The following DNAH6 variants were observed in gnomAD, a reference collection of about 807,000 sequenced individuals.
DNAH6 encodes the protein dynein axonemal heavy chain 6.
A neutral mutation model predicts 491.4 loss-of-function variants in DNAH6; 340 were observed. The observed-to-expected ratio is 0.69, with a 90% CI of 0.63 to 0.76. The LOEUF (loss-of-function observed/expected upper bound fraction) is 0.76, where lower values mean the gene tolerates loss of function less well. Among genes scored for constraint, DNAH6 ranks in the 30% least tolerant of loss-of-function variants. The probability of loss-of-function intolerance (pLI) is 0.00; values close to 1 mark genes in which losing one functional copy is unlikely to be tolerated. For synonymous variants in DNAH6, 1,603 were observed against 1,686.1 expected (o/e 0.95, Z 1.21); for missense variants, 4,443 against 4,972.2 (o/e 0.89, Z 3.20).
At chr2:84,642,275 A>G (rs1327661613) in intron 33 of DNAH6, among the ~76,000 whole-genome samples, 1 of 152,198 alleles carries the variant, frequency 6.6e-6, no homozygotes, top group Non-Finnish European at 1.5e-5. Context: ...TTATCACCAG[A>G]CTATGTGCTG....
intron 41 of DNAH6, among the ~76,000 whole-genome samples, chr2:84,680,010 A>T (rs74319577): frequency 6.6e-6 from 1 of 152,248 alleles, no homozygotes; most frequent in Non-Finnish European, 1.5e-5. Flanking sequence ...ATACACATAC[A>T]AATGGACAGA....
chr2:84,642,019 G>T lies in DNAH6; in HGVS notation c.5043G>T (p.Leu1681Phe). The T allele has an allele frequency of 6.4e-7, 1 of 1,550,908 alleles. No individual in the cohort carries two copies. Among genetic ancestry groups the T allele is most frequent in the African/African-American group, 1.4e-5 (1 of 73,126 alleles). ...VLIRALQDSN[L>F]PKFLTDDALL... is the part of the protein sequence containing the mutation. ...TAAGAGCTTTACAAGACTCCAATTT[G>T]CCAAAATTTCTAACAGATGATGCTC... is the stretch of plus-strand genomic sequence containing the variant. The change falls in exon 33 of 77, where the codon TTG (leucine) becomes TTT (phenylalanine). Residue 1681 changes from leucine to phenylalanine, a missense_variant. Physicochemically the swap from Leu to Phe is conservative, Grantham distance 22 (BLOSUM62 0). Transcript: ENST00000389394.
intron 37 of DNAH6, among the ~76,000 whole-genome samples, chr2:84,661,562 A>G (rs1691509886): frequency 1.3e-5 from 2 of 152,188 alleles, no homozygotes. Flanking sequence ...GCAACAAAAT[A>G]CCAACTACTT....
rs557175379 is a variant in DNAH6 at position 84,628,129 on chromosome 2, C to T, written c.4515+3066C>T. Among the ~76,000 whole-genome samples the T allele has an allele frequency of 8.5e-5, 13 of 152,184 alleles. No homozygotes were observed. In the South Asian group the frequency reaches 1.7e-3, roughly 19 times the overall value. On this transcript the variant is annotated intron_variant, in intron 29 of 76. Transcript: ENST00000389394. The stretch of plus-strand genomic sequence containing the variant: ...GGGTTCAAGTGATCACCCCTAGATT[C>T]GTGAGCAATAGCCAGAAGAAGGGGG...
chr2:84,809,511 C>T (rs1437946571), intron 72 of DNAH6, among the ~76,000 whole-genome samples: 4 of 152,176 alleles, frequency 2.6e-5, no homozygotes, highest in African/African-American at 9.7e-5. Context: ...CTAAGTCTCT[C>T]TCCTCTCTCA....
At chr2:84,672,912 GT>G (rs1692871809) in intron 40 of DNAH6, among the ~76,000 whole-genome samples, 1 of 152,198 alleles carries the variant, frequency 6.6e-6, no homozygotes, top group African/African-American at 2.4e-5. Flanking sequence ...TGTGGCCTCA[GT>G]TTTTCCTCCA....
chr2:84,601,040 T>C (rs1240470219), intron 18 of DNAH6, among the ~76,000 whole-genome samples: 2 of 147,640 alleles, frequency 1.4e-5, no homozygotes, highest in Non-Finnish European at 3.0e-5. Flanking sequence ...ATTATTATAC[T>C]ATAATAATAA....
intron 48 of DNAH6, 96 bp from the exon 49 acceptor site, chr2:84,701,001 A>G (rs1038654868): frequency 1.5e-6 from 2 of 1,373,390 alleles, no homozygotes; most frequent in African/African-American, 2.9e-5. Flanking sequence ...GGGACTGGGC[A>G]GGGAGGAGTT....
intron 62 of DNAH6, among the ~76,000 whole-genome samples, chr2:84,743,396 G>A (rs988840914): frequency 6.6e-6 from 1 of 152,220 alleles, no homozygotes; most frequent in South Asian, 2.1e-4. Context: ...TATTCTAAAA[G>A]TGAGCTTTAG....
intron 5 of DNAH6, 41 bp from the exon 6 acceptor site, chr2:84,547,227 A>G: frequency 6.9e-7 from 1 of 1,443,458 alleles, no homozygotes; most frequent in Non-Finnish European, 9.3e-7. Context: ...TTTAAAATAC[A>G]GAATATTTTT....
At chr2:84,721,093 A>G (rs1022803098) in intron 59 of DNAH6, among the ~76,000 whole-genome samples, 2 of 152,238 alleles carry the variant, frequency 1.3e-5, no homozygotes, top group Non-Finnish European at 2.9e-5. Context: ...GCCAAACTCA[A>G]CGGAAGCATA....
intron 64 of DNAH6, among the ~76,000 whole-genome samples, chr2:84,766,422 A>T (rs1675080969): frequency 6.6e-6 from 1 of 152,206 alleles, no homozygotes; most frequent in African/African-American, 2.4e-5. Flanking sequence ...ACTTCTGCAC[A>T]TCCATGTGTT....
chr2:84,517,194 T>A (rs2104394038), intron 1 of DNAH6, among the ~76,000 whole-genome samples: 1 of 152,284 alleles, frequency 6.6e-6, no homozygotes, highest in Admixed American at 6.5e-5. Context: ...GGGGTGAAAG[T>A]GTGCGTGGTG....
At position 84,781,551 on chromosome 2, in the gene DNAH6, G is replaced by T. The variant is rs1295224490; in HGVS notation, c.10762G>T (p.Asp3588Tyr). 1 of 1,551,514 alleles carries T rather than the reference G, an allele frequency of 6.4e-7. No individual in the cohort carries two copies. Among genetic ancestry groups the T allele is most frequent in the African/African-American group, 1.4e-5 (1 of 73,058 alleles). The change falls in exon 65 of 77, where the codon GAT becomes TAT. Residue 3588 changes from aspartate (D) to tyrosine (Y), a missense_variant. Asp to Tyr is a radical substitution (Grantham distance 160). Transcript: ENST00000389394. ...QGPIAEKMVK[D>Y]AMKSGNWVFL... ...ACCTATTGCTGAAAAAATGGTCAAG[G>T]ATGCAATGAAATCAGGAAACTGGGT...
intron 49 of DNAH6, among the ~76,000 whole-genome samples, chr2:84,702,850 T>TA (rs1696061558): frequency 1.3e-5 from 2 of 152,188 alleles, no homozygotes; most frequent in South Asian, 2.1e-4. Flanking sequence ...CCAAGCTTTC[T>TA]GACTCACCTT....
At chr2:84,656,346 G>A (rs893020767) in intron 35 of DNAH6, among the ~76,000 whole-genome samples, 4 of 152,032 alleles carry the variant, frequency 2.6e-5, no homozygotes, top group Admixed American at 2.0e-4. Context: ...TATATGTTTA[G>A]CTTTGTAAGA....
At chr2:84,704,442 G>T (rs1165813791) in intron 51 of DNAH6, 140 bp downstream of exon 51, 1 of 671,076 alleles carries the variant, frequency 1.5e-6, no homozygotes. Context: ...GATTCAAGGA[G>T]CATTTTCTTC....
intron 62 of DNAH6, among the ~76,000 whole-genome samples, chr2:84,741,566 A>G (rs1672530126): frequency 6.6e-6 from 1 of 152,204 alleles, no homozygotes; most frequent in Non-Finnish European, 1.5e-5. Flanking sequence ...TCAGGCAAGC[A>G]GCATAAGCAG....
At chr2:84,476,504 T>C in the DNAH6 span, among the ~76,000 whole-genome samples, 1 of 152,218 alleles carries the variant, frequency 6.6e-6, no homozygotes, top group East Asian at 1.9e-4. Context: ...AGTTTCCCTT[T>C]CTTTTCTTTA....
Sources: gnomAD v4.1 joint callset for allele counts (sites outside exome capture counted in the v4.1 genomes callset) on GRCh38, gnomAD v4.1.1 for gene constraint, MANE v1.5 for transcripts, NCBI Gene and HGNC (gene_info 2026-07-23, HGNC 2026-07-21) for gene names.